The following CASZ1 variants were observed in gnomAD, a reference collection of about 807,000 sequenced individuals.
CASZ1 encodes the protein castor zinc finger 1.
In CASZ1, 28 loss-of-function variants were observed where a neutral mutation model predicts 135.2. The ratio of observed to expected loss-of-function variants is 0.21; its 90% CI spans 0.15 to 0.28. The LOEUF (loss-of-function observed/expected upper bound fraction) is 0.28, where lower values mean the gene tolerates loss of function less well. CASZ1 is among the 10% of genes least tolerant of loss of function. CASZ1 has a pLI of 1.00. For synonymous variants in CASZ1, 1,068 were observed against 1,073.4 expected, an observed-to-expected ratio of 0.99 and a Z score of 0.10; for missense variants, 2,161 against 2,453.3, an observed-to-expected ratio of 0.88 and a Z score of 2.52.
chr1:10,779,208 C>T (rs903866679), intron 1 of CASZ1, among the ~76,000 whole-genome samples: 6 of 151,696 alleles, frequency 4.0e-5, no homozygotes, highest in Non-Finnish European at 7.4e-5. Context: ...GCCTCCCCAC[C>T]TTGAATAAAT....
chr1:10,722,853 C>G (rs1024842557), intron 2 of CASZ1, among the ~76,000 whole-genome samples: 3 of 152,234 alleles, frequency 2.0e-5, no homozygotes, highest in African/African-American at 7.2e-5. Flanking sequence ...AGACACTCTC[C>G]CCCCCAAAAA....
At chr1:10,752,300 G>A (rs975508631) in intron 2 of CASZ1, among the ~76,000 whole-genome samples, 5 of 152,188 alleles carry the variant, frequency 3.3e-5, no homozygotes, top group African/African-American at 7.2e-5. Flanking sequence ...TGCCCTTAGC[G>A]GATGGTCATC....
In CASZ1 at chr1:10,659,584, GTGTA is replaced by G. The variant is rs111640255; in HGVS notation, c.1340+114_1340+117del. On this transcript the variant is annotated intron_variant, in intron 6 of 20. Coordinates refer to ENST00000377022, the MANE Select transcript of CASZ1 (RefSeq NM_001079843.3). ...GCACGCGCCTGGATGCACAGTGGAT[GTGTA>G]TAAGGTGTGAGCGGCAGGTGTGTCC... The G allele has an allele frequency of 9.8e-4, 738 of 749,994 alleles. 8 individuals carry two copies. In the African/African-American group the frequency reaches 0.011, roughly 11 times the overall value. The allele number at this position is 749,994 out of a possible 1,614,324, so 46.5% of individuals were successfully genotyped here. A position where few individuals can be genotyped will look rare whatever the true frequency, so the allele number is the denominator to read the frequency against.
Position 10,747,429 on chromosome 1 carries a change from G to C in CASZ1, c.-77+13272C>G, listed in dbSNP as rs1640064658. Among the ~76,000 whole-genome samples, 1 of 152,184 alleles carries C rather than the reference G, an allele frequency of 6.6e-6. No individual in the cohort carries two copies. The highest frequency in any genetic ancestry group is 1.5e-5 in the Non-Finnish European group (1 of 68,030). On this transcript the variant is annotated intron_variant, in intron 2 of 20. Transcript: ENST00000377022. The surrounding 1 kb of genome is among the most constrained non-coding windows in gnomAD (Gnocchi z 4.3). ...TGGCTGCCATTGAGGGTCTAACAGT[G>C]GCCAGGTCCCAGCGGCAGATGAAAG...
intron 2 of CASZ1, among the ~76,000 whole-genome samples, chr1:10,742,186 C>T (rs114619031): frequency 0.01 from 1,556 of 152,226 alleles, 25 homozygotes; most frequent in African/African-American, 0.034. Context: ...CCCCGGTGTC[C>T]GCTTTTCAGA....
intron 2 of CASZ1, among the ~76,000 whole-genome samples, chr1:10,737,562 T>G (rs963563428): frequency 1.3e-5 from 2 of 152,244 alleles, no homozygotes; most frequent in Non-Finnish European, 2.9e-5. Flanking sequence ...GTTGTTTGCA[T>G]ACCCTGAGAT....
intron 3 of CASZ1, among the ~76,000 whole-genome samples, chr1:10,698,108 C>A (rs566025991): frequency 2.0e-5 from 3 of 152,136 alleles, no homozygotes; most frequent in South Asian, 2.1e-4. Flanking sequence ...GAGTGGGTGG[C>A]GGAGCGAGGG....
At chr1:10,648,833 GC>G in intron 15 of CASZ1, 1 of 545,662 alleles carries the variant, frequency 1.8e-6, no homozygotes, top group Non-Finnish European at 3.3e-6. Flanking sequence ...GGGTGCAGCA[GC>G]AGCTGTTGCT....
chr1:10,728,771 T>C (rs772174032), intron 2 of CASZ1, among the ~76,000 whole-genome samples: 1 of 151,776 alleles, frequency 6.6e-6, no homozygotes, highest in Non-Finnish European at 1.5e-5. Context: ...GGGGGACAGC[T>C]GGGGGCCGGG....
chr1:10,681,268 C>T (rs1570467477), intron 4 of CASZ1, among the ~76,000 whole-genome samples: 1 of 152,188 alleles, frequency 6.6e-6, no homozygotes. Context: ...GACCTCCACG[C>T]CTGGCCCAGG....
chr1:10,732,195 C>T (rs544161254), intron 2 of CASZ1, among the ~76,000 whole-genome samples: 61 of 151,512 alleles, frequency 4.0e-4, no homozygotes, highest in African/African-American at 1.2e-3. Context: ...TGTGGTGGCA[C>T]AGGCCTGTAG....
chr1:10,660,601 C>G (rs1642990396), intron 5 of CASZ1, 65 bp from the exon 6 acceptor site: 1 of 1,440,440 alleles, frequency 6.9e-7, no homozygotes, highest in Non-Finnish European at 9.5e-7. Flanking sequence ...GGTCCCCCCA[C>G]TGGGGGCCCC....
chr1:10,657,623 CA>C lies in CASZ1; in HGVS notation c.1409+884del, dbSNP rs926244540. 1.3e-4 allele frequency among the ~76,000 whole-genome samples: 20 copies of C among 151,966 alleles called. No individual in the cohort carries two copies. The highest frequency in any genetic ancestry group is 4.3e-4 in the African/African-American group (18 of 41,412). On this transcript the variant is annotated intron_variant, in intron 7 of 20. Coordinates refer to ENST00000377022, the MANE Select transcript of CASZ1 (RefSeq NM_001079843.3). The surrounding 1 kb of genome is among the most constrained non-coding windows in gnomAD (Gnocchi z 5.7). ...GGGCAGAGCTGAAGACAGAGTGGGACAGGGGGGCGGAGACAGTGGGATGGGG... is the reference window on the plus strand; with the variant it reads ...GGGCAGAGCTGAAGACAGAGTGGGACGGGGGGCGGAGACAGTGGGATGGGG...
Position 10,644,990 on chromosome 1 carries a change from C to T in CASZ1, c.3795G>A (p.Lys1265=), listed in dbSNP as rs775598734. 3.7e-6 allele frequency: 6 copies of T among 1,613,960 alleles called. No homozygotes were observed. The highest frequency in any genetic ancestry group is 5.1e-6 in the Non-Finnish European group (6 of 1,180,020). ...CTGCCCGCCGCTCCGCCTTCTCATG[C>T]TTCTTGATGTGCCAGGGGAGCTTGG... The part of the protein sequence containing the change: ...ITTKLPWHIK[K]HEKAERRAAN... The change falls in exon 18 of 21, where the codon AAG becomes AAA. Residue 1265 remains lysine, a synonymous_variant. Coordinates refer to ENST00000377022, the MANE Select transcript of CASZ1 (RefSeq NM_001079843.3).
rs1639505043 is a variant in CASZ1, at chr1:10,721,989, C to A, written c.-76-16445G>T. On this transcript the variant is annotated intron_variant, in intron 2 of 20. Transcript: ENST00000377022. This position sits in a 1 kb window ranked among gnomAD's most constrained non-coding sequence, Gnocchi z 5.4. ...TTGAGCACCTGTTGACAGAGGCCAC[C>A]TAGGGAAACTGAGGCACAGCAGAGC... is the stretch of plus-strand genomic sequence containing the variant. 6.6e-6 allele frequency among the ~76,000 whole-genome samples: 1 copy of A among 152,218 alleles called. No homozygotes were observed. Among genetic ancestry groups the A allele is most frequent in the South Asian group, 2.1e-4 (1 of 4,832 alleles).
At position 10,661,012 on chromosome 1, in the gene CASZ1, CG is replaced by C. The variant is rs538044530; in HGVS notation, c.506-477del. On this transcript the variant is annotated intron_variant, in intron 5 of 20. Transcript: ENST00000377022. ...GTGGGGAAGATGCTCTGGCCGGGGT[CG>C]GGGTGGGCCTGGCTGGAGGACCTCC... 8.1e-5 allele frequency: 15 copies of C among 185,898 alleles called. No individual in the cohort carries two copies. The South Asian group carries it at 1.4e-3, about 18-fold the overall frequency. 11.5% of individuals were successfully genotyped at this position (185,898 alleles called of 1,614,324 possible).
At chr1:10,658,678 T>G in intron 6 of CASZ1, 102 bp from the exon 7 acceptor site, 1 of 728,596 alleles carries the variant, frequency 1.4e-6, no homozygotes, top group Non-Finnish European at 2.1e-6. Context: ...CCAGCCCCTC[T>G]GCTCTGCTCT....
At chr1:10,691,057 T>C (rs1036819941) in intron 4 of CASZ1, among the ~76,000 whole-genome samples, 1 of 149,468 alleles carries the variant, frequency 6.7e-6, no homozygotes, top group Non-Finnish European at 1.5e-5. Context: ...AATGGAACTA[T>C]GTCCTCCTCT....
intron 1 of CASZ1, among the ~76,000 whole-genome samples, chr1:10,763,358 C>T (rs1326431316): frequency 6.6e-6 from 1 of 152,194 alleles, no homozygotes. Flanking sequence ...TCCATGGGCC[C>T]TTAGACAAGC....
Sources: gnomAD v4.1 joint callset for allele counts (sites outside exome capture counted in the v4.1 genomes callset) on GRCh38, gnomAD v4.1.1 for gene constraint, Gnocchi (gnomAD v3.1) non-coding constraint, MANE v1.5 for transcripts, NCBI Gene and HGNC (gene_info 2026-07-23, HGNC 2026-07-21) for gene names.